The following ZNF100 variants were observed in gnomAD, a reference collection of about 807,000 sequenced individuals.
ZNF100 encodes the protein zinc finger protein 100.
Under a neutral mutation model 15.8 loss-of-function variants are expected in ZNF100, and 12 were observed. The observed-to-expected ratio is 0.76, with a 90% CI of 0.49 to 1.23. ZNF100 has a LOEUF of 1.23. ZNF100 is among the 50% of genes most tolerant of loss of function. The probability of loss-of-function intolerance (pLI) is 0.00; values close to 1 mark genes in which losing one functional copy is unlikely to be tolerated. For missense variants in ZNF100, 670 were observed against 635.6 expected (o/e 1.05, Z -0.58); for synonymous variants, 226 against 214.8 (o/e 1.05, Z -0.45).
At chr19:21,742,276 G>T (rs1288844545) in intron 4 of ZNF100, among the ~76,000 whole-genome samples, 11 of 133,580 alleles carry the variant, frequency 8.2e-5, no homozygotes, top group African/African-American at 3.1e-4. Flanking sequence ...CAGCCTCGGC[G>T]ACAGAGCAAG....
At chr19:21,732,166 G>A (rs1262781420) in intron 4 of ZNF100, among the ~76,000 whole-genome samples, 9 of 150,844 alleles carry the variant, frequency 6.0e-5, no homozygotes, top group Non-Finnish European at 1.0e-4. Context: ...GCGAGACTCC[G>A]TCTCAAAAAA....
rs1408258065 is a variant in ZNF100 at position 21,765,740 on chromosome 19, C to T, written c.50G>A (p.Cys17Tyr). ...GMCPLKGASGCPGAERSLLVQ... is the reference protein window; with the variant it reads ...GMCPLKGASGYPGAERSLLVQ... ...CAGAAGACTCCTCTCAGCCCCAGGG[C>T]ATCCACTTGCTCCCTTGAGAGGACA... The change falls in exon 2 of 5, where the codon TGC (cysteine) becomes TAC (tyrosine). Residue 17 changes from cysteine to tyrosine, a missense_variant. By Grantham distance (194) the Cys-to-Tyr change is radical. Transcript: ENST00000358296. The T allele has an allele frequency of 6.2e-7, 1 of 1,614,178 alleles. No individual in the cohort carries two copies.
chr19:21,745,592 G>A (rs575807477), intron 2 of ZNF100, among the ~76,000 whole-genome samples: 149 of 151,334 alleles, frequency 9.8e-4, no homozygotes, highest in African/African-American at 3.2e-3. Context: ...GCGCAATCTC[G>A]GCTCACTGCA....
At chr19:21,738,389 C>A (rs1431555517) in intron 4 of ZNF100, among the ~76,000 whole-genome samples, 2 of 150,898 alleles carry the variant, frequency 1.3e-5, no homozygotes, top group East Asian at 2.0e-4. Flanking sequence ...AAGCTGGAGG[C>A]ATCATGCTAT....
In ZNF100 at chr19:21,725,936, T is replaced by C. The variant is rs2035774143; in HGVS notation, c.*747A>G. 1 of 152,166 alleles carries C rather than the reference T, an allele frequency of 6.6e-6. No homozygotes were observed. The highest frequency in any genetic ancestry group is 2.4e-5 in the African/African-American group (1 of 41,460). The allele number at this position is 152,166 out of a possible 1,614,324, so 9.4% of individuals were successfully genotyped here. A position where few individuals can be genotyped will look rare whatever the true frequency, so the allele number is the denominator to read the frequency against. ...TGCAAAAATATGTTTTAGTATGAAC[T>C]CTCTGGTGTTTTCTAAGCTGTAGTT... On this transcript the variant is annotated 3_prime_UTR_variant, in exon 5 of 5. Transcript: ENST00000358296.
intron 4 of ZNF100, among the ~76,000 whole-genome samples, chr19:21,738,789 TA>T (rs2036056255): frequency 6.6e-6 from 1 of 151,924 alleles, no homozygotes; most frequent in African/African-American, 2.4e-5. Flanking sequence ...ACTAAAAAAC[TA>T]CAAAAATTAG....
intron 4 of ZNF100, 48 bp downstream of exon 4, chr19:21,743,969 C>G: frequency 6.5e-7 from 1 of 1,542,150 alleles, no homozygotes; most frequent in Non-Finnish European, 8.8e-7. Context: ...TTCTTTTTGA[C>G]CTTTGGACCT....
At chr19:21,752,609 T>G (rs1459107434) in intron 2 of ZNF100, 1 of 152,650 alleles carries the variant, frequency 6.6e-6, no homozygotes, top group Non-Finnish European at 1.5e-5. Flanking sequence ...CATGTTGCAT[T>G]TCTTGTGAAC....
Position 21,726,987 on chromosome 19 carries a change from G to C in ZNF100, c.1325C>G (p.Ser442Ter), listed in dbSNP as rs774761289. The change falls in exon 5 of 5, where the codon TCA (serine) becomes TGA (stop). Residue 442 changes from serine (S) to a stop codon, truncating the protein, a stop_gained. Coordinates refer to ENST00000358296, the MANE Select transcript of ZNF100 (RefSeq NM_173531.4). LOFTEE classifies it low-confidence loss of function (END_TRUNC). ...AATCATCTTATGGGTAGTAAGGTTTGAGGACTCATTAAAAGCTTTGCCACA... is the reference window on the plus strand; with the variant it reads ...AATCATCTTATGGGTAGTAAGGTTTCAGGACTCATTAAAAGCTTTGCCACA... The part of the protein sequence containing the change: ...EECGKAFNES[S>*]NLTTHKMIHT... The C allele has an allele frequency of 1.3e-5, 21 of 1,613,112 alleles. No homozygotes were observed. Among genetic ancestry groups the C allele is most frequent in the Non-Finnish European group, 1.8e-5 (21 of 1,179,604 alleles).
At chr19:21,754,085 T>A (rs1161926637) in intron 2 of ZNF100, among the ~76,000 whole-genome samples, 2 of 152,224 alleles carry the variant, frequency 1.3e-5, no homozygotes, top group Non-Finnish European at 2.9e-5. Context: ...ATCCTAGGAA[T>A]CTTGCTTATA....
intron 2 of ZNF100, among the ~76,000 whole-genome samples, chr19:21,745,307 T>C (rs192941882): frequency 6.6e-6 from 1 of 152,314 alleles, no homozygotes; most frequent in African/African-American, 2.4e-5. Flanking sequence ...CTAGATAAAG[T>C]ATAAAATTAA....
At chr19:21,751,935 G>A (rs2036314044) in intron 2 of ZNF100, 1 of 506,480 alleles carries the variant, frequency 2.0e-6, no homozygotes, top group East Asian at 3.0e-5. Flanking sequence ...GAAATGAGGG[G>A]TTATAATGTC....
intron 2 of ZNF100, among the ~76,000 whole-genome samples, chr19:21,761,341 G>A (rs993713106): frequency 3.3e-5 from 5 of 152,280 alleles, no homozygotes; most frequent in African/African-American, 1.2e-4. Flanking sequence ...TTATATAAGT[G>A]CAATAAGAAA....
At chr19:21,754,980 T>C (rs2036368336) in intron 2 of ZNF100, among the ~76,000 whole-genome samples, 1 of 152,056 alleles carries the variant, frequency 6.6e-6, no homozygotes, top group Non-Finnish European at 1.5e-5. Flanking sequence ...GGGCAAAACA[T>C]GAACAGATAC....
At chr19:21,738,274 A>C (rs2036045604) in intron 4 of ZNF100, among the ~76,000 whole-genome samples, 1 of 147,702 alleles carries the variant, frequency 6.8e-6, no homozygotes, top group South Asian at 2.1e-4. Context: ...AAAAAAAAAA[A>C]AAAAAAAAAA....
At chr19:21,736,905 G>A (rs2036016813) in intron 4 of ZNF100, among the ~76,000 whole-genome samples, 1 of 151,942 alleles carries the variant, frequency 6.6e-6, no homozygotes, top group Admixed American at 6.6e-5. Flanking sequence ...GTGTTAAGGG[G>A]GAAAATATAG....
At chr19:21,740,799 G>A (rs1429222056) in intron 4 of ZNF100, among the ~76,000 whole-genome samples, 1 of 152,172 alleles carries the variant, frequency 6.6e-6, no homozygotes, top group African/African-American at 2.4e-5. Flanking sequence ...CAATGAAAAT[G>A]AAACCTCTGT....
At chr19:21,751,881 T>C (rs2036312898) in intron 2 of ZNF100, 1 of 661,958 alleles carries the variant, frequency 1.5e-6, no homozygotes, top group Non-Finnish European at 2.7e-6. Context: ...GCTGATCAAC[T>C]TCATTGGTAT....
At chr19:21,764,472 C>T (rs1401903098) in intron 2 of ZNF100, among the ~76,000 whole-genome samples, 1 of 151,886 alleles carries the variant, frequency 6.6e-6, no homozygotes, top group Non-Finnish European at 1.5e-5. Context: ...TGAAACCCCG[C>T]CTCTACTAAA....
Sources: gnomAD v4.1 joint callset for allele counts (sites outside exome capture counted in the v4.1 genomes callset) on GRCh38, gnomAD v4.1.1 for gene constraint, MANE v1.5 for transcripts, NCBI Gene and HGNC (gene_info 2026-07-23, HGNC 2026-07-21) for gene names.